The following MOGAT2 variants were observed in gnomAD, a reference collection of about 807,000 sequenced individuals.
The protein encoded by MOGAT2 is monoacylglycerol O-acyltransferase 2, also known as 2-acylglycerol O-acyltransferase 2.
Under a neutral mutation model 31.5 loss-of-function variants are expected in MOGAT2, and 27 were observed. The ratio of observed to expected loss-of-function variants is 0.86; its 90% CI spans 0.63 to 1.18. The LOEUF (loss-of-function observed/expected upper bound fraction) is 1.18. Among genes scored for constraint, MOGAT2 ranks in the 50% most tolerant of loss-of-function variants. The pLI, the probability that MOGAT2 is intolerant of heterozygous loss-of-function variation, is 0.00. For synonymous variants in MOGAT2, 163 were observed against 170.0 expected, an observed-to-expected ratio of 0.96 and a Z score of 0.32; for missense variants, 436 against 433.2, an observed-to-expected ratio of 1.01 and a Z score of -0.06.
Position 75,720,124 on chromosome 11 carries a change from G to T in MOGAT2, c.224G>T (p.Arg75Met). The T allele has an allele frequency of 6.2e-7, 1 of 1,614,128 alleles. No individual in the cohort carries two copies. Among genetic ancestry groups the T allele is most frequent in the Admixed American group, 1.7e-5 (1 of 60,024 alleles). ...GGGGGCCGGCACATCCAGGCCATCA[G>T]GTGCTGGACTATATGGAAGTACATG... is the stretch of plus-strand genomic sequence containing the variant. ...RQGGRHIQAIRCWTIWKYMKD... is the reference protein window; with the variant it reads ...RQGGRHIQAIMCWTIWKYMKD... The change falls in exon 2 of 6, where the codon AGG becomes ATG. Residue 75 changes from arginine (R) to methionine (M), a missense_variant. Physicochemically the swap from Arg to Met is moderately conservative, Grantham distance 91. Transcript: ENST00000198801.
intron 5 of MOGAT2, among the ~76,000 whole-genome samples, chr11:75,729,658 A>G (rs1944456410): frequency 6.6e-6 from 1 of 151,916 alleles, no homozygotes; most frequent in African/African-American, 2.4e-5. Flanking sequence ...CCAAAATATC[A>G]CACTGTTTTT....
At position 75,732,083 on chromosome 11, in the gene MOGAT2, G is replaced by A. The variant is rs1403763608; in HGVS notation, c.*797G>A. 6.6e-6 allele frequency: 1 copy of A among 152,310 alleles called. No individual in the cohort carries two copies. The highest frequency in any genetic ancestry group is 2.4e-5 in the African/African-American group (1 of 41,458). The allele number at this position is 152,310 out of a possible 1,614,324, so 9.4% of individuals were successfully genotyped here. A position where few individuals can be genotyped will look rare whatever the true frequency, so the allele number is the denominator to read the frequency against. ...GGGTTTGGACCAGTCTGAATCCAGA[G>A]GATCAGGATCCAGCAGGAACCAGAG... On this transcript the variant is annotated 3_prime_UTR_variant, in exon 6 of 6. Coordinates refer to ENST00000198801, the MANE Select transcript of MOGAT2 (RefSeq NM_025098.4).
intron 2 of MOGAT2, among the ~76,000 whole-genome samples, chr11:75,721,105 G>A (rs189394662): frequency 3.9e-5 from 6 of 152,142 alleles, no homozygotes; most frequent in African/African-American, 9.6e-5. Context: ...GATATGGCCC[G>A]TGGAGACAGG....
At position 75,731,376 on chromosome 11, in the gene MOGAT2, G is replaced by C; in HGVS notation, c.*90G>C. 1.1e-5 allele frequency: 16 copies of C among 1,466,572 alleles called. No individual in the cohort carries two copies. The highest frequency in any genetic ancestry group is 1.4e-5 in the Non-Finnish European group (15 of 1,085,494). The allele number at this position is 1,466,572 out of a possible 1,614,324, so 90.8% of individuals were successfully genotyped here. The stretch of plus-strand genomic sequence containing the variant: ...GAGGTGTTTGTTGAACATATCTGCA[G>C]AGCCTTCCCAGACTCCTGCAAATCC... On this transcript the variant is annotated 3_prime_UTR_variant, in exon 6 of 6. Coordinates refer to ENST00000198801, the MANE Select transcript of MOGAT2 (RefSeq NM_025098.4).
intron 4 of MOGAT2, 66 bp from the exon 5 acceptor site, chr11:75,728,724 A>G: frequency 1.4e-6 from 2 of 1,400,784 alleles, no homozygotes; most frequent in Non-Finnish European, 2.0e-6. Flanking sequence ...AGGAAGCTAA[A>G]GGGCCTTTCA....
rs79936151 is a variant in MOGAT2 at position 75,717,918 on chromosome 11, G to A, written c.30G>A (p.Pro10=). The change falls in exon 1 of 6, where the codon CCG becomes CCA. Residue 10 remains proline, a synonymous_variant. Coordinates refer to ENST00000198801, the MANE Select transcript of MOGAT2 (RefSeq NM_025098.4). The stretch of plus-strand genomic sequence containing the variant: ...TAGAGTTCGCGCCCTTGTTTATGCC[G>A]TGGGAGCGCAGGCTGCAGACACTTG... MVEFAPLFM[P]WERRLQTLAV... The A allele has an allele frequency of 5.2e-5, 84 of 1,614,078 alleles. No homozygotes were observed. Among genetic ancestry groups the A allele is most frequent in the East Asian group, 1.8e-4 (8 of 44,890 alleles).
At chr11:75,727,881 C>A in intron 3 of MOGAT2, 89 bp from the exon 4 acceptor site, 1 of 1,347,222 alleles carries the variant, frequency 7.4e-7, no homozygotes, top group Non-Finnish European at 1.0e-6. Context: ...CCTCAGTAGG[C>A]ATTGCTGGTG....
rs753078331 is a variant in MOGAT2 at position 75,732,427 on chromosome 11, G to C, written c.*1141G>C. ...TAGGCCTCCTGGGAAAGGGAGAATG[G>C]CAAAGACAGGCAGAGTGGATCTGGA... On this transcript the variant is annotated 3_prime_UTR_variant, in exon 6 of 6. Coordinates refer to ENST00000198801, the MANE Select transcript of MOGAT2 (RefSeq NM_025098.4). 2 of 152,226 alleles carry C rather than the reference G, an allele frequency of 1.3e-5. No homozygotes were observed. Among genetic ancestry groups the C allele is most frequent in the African/African-American group, 4.8e-5 (2 of 41,454 alleles). 9.4% of individuals were successfully genotyped at this position (152,226 alleles called of 1,614,324 possible). A position where few individuals can be genotyped will look rare whatever the true frequency, so the allele number is the denominator to read the frequency against.
chr11:75,730,626 A>C (rs919472053), intron 5 of MOGAT2, among the ~76,000 whole-genome samples: 7 of 152,128 alleles, frequency 4.6e-5, no homozygotes, highest in Admixed American at 2.6e-4. Flanking sequence ...AAATCCAGCC[A>C]CTGGCTGGGC....
At chr11:75,728,535 G>C (rs778335781) in intron 4 of MOGAT2, 1 of 578,862 alleles carries the variant, frequency 1.7e-6, no homozygotes, top group East Asian at 2.9e-5. Context: ...TTATATCTGG[G>C]AGGACTCTCT....
rs969299633 is a variant in MOGAT2, at chr11:75,731,634, C to T, written c.*348C>T. The T allele has an allele frequency of 4.9e-6, 1 of 205,602 alleles. No individual in the cohort carries two copies. The highest frequency in any genetic ancestry group is 5.7e-5 in the Admixed American group (1 of 17,654). The allele number at this position is 205,602 out of a possible 1,614,324, so 12.7% of individuals were successfully genotyped here. A position where few individuals can be genotyped will look rare whatever the true frequency, so the allele number is the denominator to read the frequency against. On this transcript the variant is annotated 3_prime_UTR_variant, in exon 6 of 6. Transcript: ENST00000198801. ...AGTCCTAGGCTGCACACCTCACAAG[C>T]ATCTCTTCTACTGCATTCTGTTGGT... is the stretch of plus-strand genomic sequence containing the variant.
At position 75,731,112 on chromosome 11, in the gene MOGAT2, C is replaced by A. The variant is rs1944475064; in HGVS notation, c.851-20C>A. On this transcript the variant is annotated intron_variant, in intron 5 of 5. Coordinates refer to ENST00000198801, the MANE Select transcript of MOGAT2 (RefSeq NM_025098.4). ...GTCCCTTGCCTACCCTAGGCCACTG[C>A]ACACCTCTATGCCTTGCAGTGGGGA... 3.7e-6 allele frequency: 6 copies of A among 1,611,388 alleles called. No homozygotes were observed. Among genetic ancestry groups the A allele is most frequent in the Non-Finnish European group, 5.1e-6 (6 of 1,178,966 alleles).
At chr11:75,730,961 G>A in intron 5 of MOGAT2, 171 bp from the exon 6 acceptor site, 2 of 425,354 alleles carry the variant, frequency 4.7e-6, no homozygotes, top group Non-Finnish European at 8.1e-6. Flanking sequence ...AAGAAATCCA[G>A]CCGTTGTTAT....
rs1425309798 is a variant in MOGAT2 at position 75,731,334 on chromosome 11, G to A, written c.*48G>A. 1 of 1,591,372 alleles carries A rather than the reference G, an allele frequency of 6.3e-7. No individual in the cohort carries two copies. Among genetic ancestry groups the A allele is most frequent in the Non-Finnish European group, 8.6e-7 (1 of 1,169,350 alleles). ...TAGGGAGCCCAGCAGGAGGTGCTGT[G>A]CTGAGAAGACTTCCTGGAGGTGTTT... On this transcript the variant is annotated 3_prime_UTR_variant, in exon 6 of 6. Transcript: ENST00000198801.
chr11:75,723,638 G>T (rs1944396268), intron 2 of MOGAT2, among the ~76,000 whole-genome samples: 1 of 152,128 alleles, frequency 6.6e-6, no homozygotes, highest in African/African-American at 2.4e-5. Flanking sequence ...TTGCCAGGCT[G>T]CTTGGCCTCC....
rs897134454 is a variant in MOGAT2, at chr11:75,731,234, C to T, written c.953C>T (p.Ala318Val). 1 of 1,614,040 alleles carries T rather than the reference C, an allele frequency of 6.2e-7. No homozygotes were observed. The highest frequency in any genetic ancestry group is 8.5e-7 in the Non-Finnish European group (1 of 1,180,048). ...YIKELCNLFEAHKLKFNIPAD... is the reference protein window; with the variant it reads ...YIKELCNLFEVHKLKFNIPAD... The stretch of plus-strand genomic sequence containing the variant: ...AAAGAGCTGTGCAACCTCTTCGAGG[C>T]CCACAAACTTAAGTTCAACATCCCT... Residue 318 changes from alanine to valine, a missense_variant, in exon 6 of 6, where the codon GCC becomes GTC. By Grantham distance (64) the Ala-to-Val change is moderately conservative (BLOSUM62 0). Coordinates refer to ENST00000198801, the MANE Select transcript of MOGAT2 (RefSeq NM_025098.4).
chr11:75,732,670 T>C lies in MOGAT2; in HGVS notation c.*1384T>C, dbSNP rs574596445. On this transcript the variant is annotated 3_prime_UTR_variant, in exon 6 of 6. Transcript: ENST00000198801. Reference sequence around the variant, plus strand: ...TGATGTTGGATGCCATGGAATGCCATATCCTCCCCATTATCTCCCCCTTGT... The same window carrying C: ...TGATGTTGGATGCCATGGAATGCCACATCCTCCCCATTATCTCCCCCTTGT... 1.3e-5 allele frequency: 2 copies of C among 152,298 alleles called. No individual in the cohort carries two copies. Among genetic ancestry groups the C allele is most frequent in the Non-Finnish European group, 2.9e-5 (2 of 68,116 alleles). The allele number at this position is 152,298 out of a possible 1,614,324, so 9.4% of individuals were successfully genotyped here. A position where few individuals can be genotyped will look rare whatever the true frequency, so the allele number is the denominator to read the frequency against.
intron 2 of MOGAT2, among the ~76,000 whole-genome samples, chr11:75,724,578 C>G (rs1227042396): frequency 6.6e-6 from 1 of 152,034 alleles, no homozygotes; most frequent in African/African-American, 2.4e-5. Flanking sequence ...AGGAGAATTG[C>G]TTGAACCCAG....
In MOGAT2 at chr11:75,728,904, C is replaced by T; in HGVS notation, c.765C>T (p.Gly255=). ...YIQNRLQKIM[G]ISLPLFHGRG... The stretch of plus-strand genomic sequence containing the variant: ...AGAATCGGTTGCAGAAGATCATGGG[C>T]ATCTCCCTCCCACTCTTTCATGGCC... Residue 255 remains glycine, a synonymous_variant, in exon 5 of 6, where the codon GGC becomes GGT. Transcript: ENST00000198801. The T allele has an allele frequency of 1.2e-6, 2 of 1,614,178 alleles. No individual in the cohort carries two copies. The highest frequency in any genetic ancestry group is 1.1e-5 in the South Asian group (1 of 91,086).
Sources: gnomAD v4.1 joint callset for allele counts (sites outside exome capture counted in the v4.1 genomes callset) on GRCh38, gnomAD v4.1.1 for gene constraint, MANE v1.5 for transcripts, NCBI Gene and HGNC (gene_info 2026-07-23, HGNC 2026-07-21) for gene names.